The following ASTN2 variants were observed in gnomAD, a reference collection of about 807,000 sequenced individuals.
ASTN2 encodes the protein astrotactin-2.
ASTN2 carries 54 observed loss-of-function variants against 139.8 expected under a neutral mutation model. The observed-to-expected ratio is 0.39, with a 90% CI of 0.31 to 0.48. The LOEUF (loss-of-function observed/expected upper bound fraction) is 0.48, where lower values mean the gene tolerates loss of function less well. ASTN2 is among the 20% of genes least tolerant of loss of function. The probability of loss-of-function intolerance (pLI) is 0.95; values close to 1 mark genes in which losing one functional copy is unlikely to be tolerated. For synonymous variants in ASTN2, 756 were observed against 719.5 expected (o/e 1.05, Z -0.81); for missense variants, 1,565 against 1,725.1 (o/e 0.91, Z 1.64).
chr9:116,962,664 T>C (rs1352227835), intron 10 of ASTN2, among the ~76,000 whole-genome samples: 11 of 152,216 alleles, frequency 7.2e-5, no homozygotes, highest in Admixed American at 5.9e-4. Context: ...ATAGGGTTTC[T>C]CAAACCTTTT....
intron 6 of ASTN2, among the ~76,000 whole-genome samples, chr9:117,013,650 A>G (rs1218471378): frequency 6.6e-6 from 1 of 152,004 alleles, no homozygotes; most frequent in East Asian, 1.9e-4. Context: ...CTTCAATTAC[A>G]TTGATTATCA....
chr9:116,502,410 G>C (rs539781137), intron 19 of ASTN2, among the ~76,000 whole-genome samples: 1 of 151,980 alleles, frequency 6.6e-6, no homozygotes, highest in African/African-American at 2.4e-5. Context: ...AGCAGAAACT[G>C]AGAGCCACAG....
At chr9:117,195,003 G>A (rs962804540) in intron 3 of ASTN2, among the ~76,000 whole-genome samples, 2 of 152,094 alleles carry the variant, frequency 1.3e-5, no homozygotes, top group Admixed American at 1.3e-4. Context: ...TCTATCCACT[G>A]ACCCAGCATA....
intron 20 of ASTN2, among the ~76,000 whole-genome samples, chr9:116,468,394 C>T (rs1848714704): frequency 6.6e-6 from 1 of 152,188 alleles, no homozygotes; most frequent in Non-Finnish European, 1.5e-5. Context: ...ACCAGTACTA[C>T]TCTACCTTGG....
At chr9:116,837,263 G>T (rs1211933113) in intron 11 of ASTN2, among the ~76,000 whole-genome samples, 1 of 152,134 alleles carries the variant, frequency 6.6e-6, no homozygotes, top group Non-Finnish European at 1.5e-5. Flanking sequence ...CTTTGCTGAG[G>T]TTTTATAGTA....
intron 3 of ASTN2, among the ~76,000 whole-genome samples, chr9:117,171,229 C>A (rs116182345): frequency 1.8e-3 from 277 of 152,278 alleles, no homozygotes; most frequent in African/African-American, 6.3e-3. Context: ...CTTTGCCCAA[C>A]TAACTGAAAC....
chr9:116,604,488 T>C (rs1855084774), intron 19 of ASTN2, among the ~76,000 whole-genome samples: 1 of 152,074 alleles, frequency 6.6e-6, no homozygotes, highest in Non-Finnish European at 1.5e-5. Context: ...GAGTAAAGCC[T>C]AGTTTCCAAT....
intron 12 of ASTN2, among the ~76,000 whole-genome samples, chr9:116,816,991 T>C (rs1041027150): frequency 1.3e-5 from 2 of 151,934 alleles, no homozygotes; most frequent in African/African-American, 4.8e-5. Flanking sequence ...TTAAATAGTA[T>C]CCATTTGAAA....
intron 16 of ASTN2, among the ~76,000 whole-genome samples, chr9:116,676,306 G>C (rs1258157688): frequency 6.6e-6 from 1 of 152,154 alleles, no homozygotes; most frequent in African/African-American, 2.4e-5. Context: ...TAGCAAAAAG[G>C]ATTTGTGAGA....
chr9:116,511,853 C>T (rs1464182058), intron 19 of ASTN2, among the ~76,000 whole-genome samples: 1 of 151,944 alleles, frequency 6.6e-6, no homozygotes, highest in Non-Finnish European at 1.5e-5. Flanking sequence ...GGTGATATCT[C>T]CTTTATCATT....
chr9:117,055,383 G>A (rs544698384), intron 5 of ASTN2, among the ~76,000 whole-genome samples: 39 of 152,298 alleles, frequency 2.6e-4, no homozygotes, highest in African/African-American at 8.7e-4. Context: ...TTGGGAGGCC[G>A]AGGTGAGAGG....
intron 10 of ASTN2, among the ~76,000 whole-genome samples, chr9:116,909,843 A>C (rs1299020333): frequency 6.6e-6 from 1 of 152,220 alleles, no homozygotes; most frequent in Non-Finnish European, 1.5e-5. Context: ...GCATTCAGCA[A>C]ATGGAAACTG....
chr9:116,673,466 A>G (rs1325898190), intron 16 of ASTN2, among the ~76,000 whole-genome samples: 1 of 152,196 alleles, frequency 6.6e-6, no homozygotes, highest in Non-Finnish European at 1.5e-5. Context: ...CCTCCCCCAA[A>G]ATATGTTGAA....
At chr9:116,963,205 A>G (rs576181306) in intron 10 of ASTN2, among the ~76,000 whole-genome samples, 1 of 152,216 alleles carries the variant, frequency 6.6e-6, no homozygotes, top group Non-Finnish European at 1.5e-5. Context: ...TCTCAAAAGG[A>G]TGCTCAGAGG....
At chr9:116,665,910 G>C (rs945720670) in intron 16 of ASTN2, among the ~76,000 whole-genome samples, 2 of 152,134 alleles carry the variant, frequency 1.3e-5, no homozygotes, top group African/African-American at 4.8e-5. Flanking sequence ...TACTACTGGA[G>C]ACTGCTAGGA....
chr9:116,690,573 A>C (rs765208184), intron 16 of ASTN2, among the ~76,000 whole-genome samples: 7 of 152,192 alleles, frequency 4.6e-5, no homozygotes, highest in Non-Finnish European at 1.0e-4. Flanking sequence ...CTGGTAAAAC[A>C]ATCAAATTTA....
At chr9:117,052,658 C>T (rs1838947731) in intron 5 of ASTN2, among the ~76,000 whole-genome samples, 1 of 152,166 alleles carries the variant, frequency 6.6e-6, no homozygotes, top group Non-Finnish European at 1.5e-5. Context: ...AGTGAGTTTA[C>T]AGTAAGGAAA....
intron 19 of ASTN2, among the ~76,000 whole-genome samples, chr9:116,517,127 AGGG>A (rs1259834921): frequency 6.6e-6 from 1 of 152,124 alleles, no homozygotes. Flanking sequence ...AGGTGTCCCT[AGGG>A]TAAGTCTGCA....
intron 3 of ASTN2, among the ~76,000 whole-genome samples, chr9:117,204,849 A>C (rs1424430025): frequency 1.3e-5 from 2 of 152,204 alleles, no homozygotes; most frequent in African/African-American, 4.8e-5. Flanking sequence ...CAAAACTAAA[A>C]TATATAGGAA....
Sources: allele counts gnomAD v4.1 joint callset (sites outside exome capture counted in the v4.1 genomes callset), GRCh38; gene constraint gnomAD v4.1.1; transcripts MANE v1.5; gene names NCBI Gene and HGNC (gene_info 2026-07-23, HGNC 2026-07-21).